The following HCRTR2 variants were observed in gnomAD, a reference collection of about 807,000 sequenced individuals.
HCRTR2 encodes the protein hypocretin receptor 2, also known as orexin receptor type 2.
A neutral mutation model predicts 49.0 loss-of-function variants in HCRTR2; 22 were observed. The ratio of observed to expected loss-of-function variants is 0.45; its 90% CI spans 0.32 to 0.64. The LOEUF (loss-of-function observed/expected upper bound fraction) is 0.64, where lower values mean the gene tolerates loss of function less well. HCRTR2 is among the 30% of genes least tolerant of loss of function. HCRTR2 has a pLI of 0.04. For missense variants in HCRTR2, 491 were observed against 559.4 expected, an observed-to-expected ratio of 0.88 and a Z score of 1.23; for synonymous variants, 236 against 205.3, an observed-to-expected ratio of 1.15 and a Z score of -1.28.
intron 1 of HCRTR2, among the ~76,000 whole-genome samples, chr6:55,162,136 A>G (rs1764814579): frequency 6.6e-6 from 1 of 152,174 alleles, no homozygotes. Context: ...AAGCTTATCC[A>G]CCACGATCAA....
chr6:55,162,593 T>C (rs1380503960), intron 1 of HCRTR2, among the ~76,000 whole-genome samples: 1 of 152,156 alleles, frequency 6.6e-6, no homozygotes, highest in Non-Finnish European at 1.5e-5. Context: ...AAAACCCCAT[T>C]GTCTCAGCCC....
chr6:55,112,271 G>A (rs75746631), intron 1 of HCRTR2, among the ~76,000 whole-genome samples: 8,745 of 151,680 alleles, frequency 0.058, 382 homozygotes, highest in African/African-American at 0.11. Context: ...TCTATTCAAC[G>A]TAGTACCATA....
intron 1 of HCRTR2, among the ~76,000 whole-genome samples, chr6:55,129,825 T>G (rs1200874368): frequency 6.6e-6 from 1 of 152,016 alleles, no homozygotes; most frequent in Non-Finnish European, 1.5e-5. Context: ...TCATTTCACT[T>G]TTCCTGCAAG....
At chr6:55,281,982 G>A (rs1422841150) in intron 6 of HCRTR2, among the ~76,000 whole-genome samples, 1 of 152,126 alleles carries the variant, frequency 6.6e-6, no homozygotes, top group Non-Finnish European at 1.5e-5. Flanking sequence ...ATAAAGGAAT[G>A]AAGCAAATTC....
chr6:55,252,737 G>A (rs1217434872), intron 2 of HCRTR2, among the ~76,000 whole-genome samples: 2 of 151,980 alleles, frequency 1.3e-5, no homozygotes, highest in Admixed American at 1.3e-4. Flanking sequence ...AATGAAATTA[G>A]CCTCCAATAA....
At chr6:55,122,082 C>T (rs1764208524) in intron 1 of HCRTR2, among the ~76,000 whole-genome samples, 1 of 152,138 alleles carries the variant, frequency 6.6e-6, no homozygotes, top group Non-Finnish European at 1.5e-5. Context: ...AGCTGTGAAT[C>T]CATCTGGTCC....
chr6:55,191,979 T>C (rs1304362376), intron 1 of HCRTR2, among the ~76,000 whole-genome samples: 2 of 152,188 alleles, frequency 1.3e-5, no homozygotes, highest in Admixed American at 1.3e-4. Flanking sequence ...GAAATATATT[T>C]GCTATAGTAG....
intron 1 of HCRTR2, among the ~76,000 whole-genome samples, chr6:55,168,812 T>A (rs933460519): frequency 6.6e-6 from 1 of 152,084 alleles, no homozygotes; most frequent in African/African-American, 2.4e-5. Flanking sequence ...ATTCATAAAA[T>A]CTTCCTCCTA....
chr6:55,232,062 C>CT (rs1424958723), intron 1 of HCRTR2, among the ~76,000 whole-genome samples: 2 of 152,040 alleles, frequency 1.3e-5, no homozygotes, highest in Non-Finnish European at 2.9e-5. Context: ...AAATAATTTC[C>CT]TTTTTTTAAT....
intron 1 of HCRTR2, among the ~76,000 whole-genome samples, chr6:55,141,209 G>A (rs1017263285): frequency 2.0e-5 from 3 of 151,966 alleles, no homozygotes; most frequent in Non-Finnish European, 2.9e-5. Flanking sequence ...ACCGGGCGTG[G>A]TGGCAGTCAC....
chr6:55,122,075 T>A (rs1764208478), intron 1 of HCRTR2, among the ~76,000 whole-genome samples: 1 of 152,180 alleles, frequency 6.6e-6, no homozygotes, highest in Non-Finnish European at 1.5e-5. Context: ...AGAATTCAGC[T>A]GTGAATCCAT....
At chr6:55,279,254 C>T (rs1440645786) in intron 5 of HCRTR2, among the ~76,000 whole-genome samples, 4 of 151,730 alleles carry the variant, frequency 2.6e-5, no homozygotes, top group African/African-American at 9.7e-5. Flanking sequence ...TTTTCTTTCT[C>T]CCACAAAAAC....
intron 1 of HCRTR2, among the ~76,000 whole-genome samples, chr6:55,169,388 G>C (rs9357845): frequency 0.48 from 71,966 of 151,338 alleles, 18,181 homozygotes; most frequent in East Asian, 0.81. Context: ...CAGAGAGACA[G>C]AAATGTTTGT....
intron 1 of HCRTR2, among the ~76,000 whole-genome samples, chr6:55,206,435 T>C (rs1765602694): frequency 6.6e-6 from 1 of 152,202 alleles, no homozygotes; most frequent in East Asian, 1.9e-4. Context: ...ATAGTTATTT[T>C]ATGAAACTAG....
intron 1 of HCRTR2, among the ~76,000 whole-genome samples, chr6:55,234,884 C>T (rs372028607): frequency 2.6e-5 from 4 of 152,090 alleles, no homozygotes; most frequent in Admixed American, 1.3e-4. Context: ...TGTCAGAAGA[C>T]GTACATAAGA....
intron 1 of HCRTR2, among the ~76,000 whole-genome samples, chr6:55,212,887 T>C (rs1765721135): frequency 6.6e-6 from 1 of 152,192 alleles, no homozygotes; most frequent in South Asian, 2.1e-4. Context: ...TCCAACTATG[T>C]AGACATCTCA....
chr6:55,273,765 C>G (rs1767019659), intron 4 of HCRTR2, among the ~76,000 whole-genome samples: 1 of 100,782 alleles, frequency 9.9e-6, no homozygotes, highest in Admixed American at 9.3e-5. Flanking sequence ...CCTTCCCTGA[C>G]CAGTAAATGC....
intron 1 of HCRTR2, among the ~76,000 whole-genome samples, chr6:55,140,004 C>G (rs912191724): frequency 6.6e-6 from 1 of 152,028 alleles, no homozygotes; most frequent in African/African-American, 2.4e-5. Context: ...TGAAAGTGAG[C>G]CATGGTGGTT....
intron 1 of HCRTR2, among the ~76,000 whole-genome samples, chr6:55,124,597 G>A (rs1435704923): frequency 1.3e-5 from 2 of 152,288 alleles, no homozygotes; most frequent in East Asian, 3.9e-4. Context: ...GTTGATTTGG[G>A]GTGGAGAGTT....
Sources: allele counts gnomAD v4.1 joint callset (sites outside exome capture counted in the v4.1 genomes callset), GRCh38; gene constraint gnomAD v4.1.1; transcripts MANE v1.5; gene names NCBI Gene and HGNC (gene_info 2026-07-23, HGNC 2026-07-21).